WDFY4: variants seen among roughly 807,000 people sequenced by gnomAD.
WDFY4 encodes WD repeat- and FYVE domain-containing protein 4.
In WDFY4, 169 loss-of-function variants were observed where a neutral mutation model predicts 351.9. The ratio of observed to expected loss-of-function variants is 0.48; its 90% confidence interval spans 0.42 to 0.55. The LOEUF is 0.55. WDFY4 is among the 20% of genes least tolerant of loss of function. The pLI is 0.00. For synonymous variants in WDFY4, 1,622 were observed against 1,574.6 expected (o/e 1.03, Z -0.71); for missense variants, 3,803 against 3,935.6 (o/e 0.97, Z 0.90).
At chr10:48,740,922 A>G (rs1363417188) in intron 11 of WDFY4, among the ~76,000 whole-genome samples, 1 of 152,208 alleles carries the variant, frequency 6.6e-6, no homozygotes, top group Admixed American at 6.5e-5. Flanking sequence ...GAAAAGATCA[A>G]TTGGCCTGTA....
intron 56 of WDFY4, 106 bp from the exon 57 acceptor site, chr10:48,970,025 C>T: frequency 7.3e-7 from 1 of 1,361,006 alleles, no homozygotes; most frequent in Non-Finnish European, 9.9e-7. Context: ...TGGCATGTCC[C>T]CAGTTCCCAA....
chr10:48,900,050 C>T (rs564614272), intron 45 of WDFY4, among the ~76,000 whole-genome samples, 171 bp from the exon 46 acceptor site: 1 of 152,292 alleles, frequency 6.6e-6, no homozygotes, highest in East Asian at 1.9e-4. Flanking sequence ...TCTGCAGAAG[C>T]ACCCCATCCC....
intron 39 of WDFY4, among the ~76,000 whole-genome samples, chr10:48,843,309 T>A (rs1589735468): frequency 6.6e-6 from 1 of 152,202 alleles, no homozygotes; most frequent in Admixed American, 6.5e-5. Context: ...ATGAAGGCTG[T>A]GATTGAGGAA....
intron 47 of WDFY4, among the ~76,000 whole-genome samples, chr10:48,912,318 G>C (rs1838080417): frequency 6.6e-6 from 1 of 152,236 alleles, no homozygotes; most frequent in Non-Finnish European, 1.5e-5. Flanking sequence ...GCCTGTTTTA[G>C]AGGCACAGAA....
In WDFY4 at chr10:48,970,188, C is replaced by T. The variant is rs1842276318; in HGVS notation, c.8827C>T (p.Pro2943Ser). 6.4e-7 allele frequency: 1 copy of T among 1,551,756 alleles called. No individual in the cohort carries two copies. Among genetic ancestry groups the T allele is most frequent in the Non-Finnish European group, 8.7e-7 (1 of 1,147,008 alleles). Reference sequence around the variant, plus strand: ...GGGCCGCTGTCTGTGCGCCGTGTGCCCATCCCCAACAACGATTGTCACCTC... The same window carrying T: ...GGGCCGCTGTCTGTGCGCCGTGTGCTCATCCCCAACAACGATTGTCACCTC... Reference protein sequence around the residue: ...AWGRCLCAVCPSPTTIVTSGT... With the variant: ...AWGRCLCAVCSSPTTIVTSGT... The change falls in exon 57 of 62, where the codon CCA becomes TCA. Residue 2943 changes from proline to serine, a missense_variant. Pro to Ser is a moderately conservative substitution (Grantham distance 74). Coordinates refer to ENST00000325239, the MANE Select transcript of WDFY4 (RefSeq NM_001394531.1).
chr10:48,801,478 G>A (rs1240735874), intron 24 of WDFY4: 1 of 456,218 alleles, frequency 2.2e-6, no homozygotes, highest in Non-Finnish European at 4.4e-6. Context: ...AATATCCTAA[G>A]TGTGCAGGGC....
Position 48,731,223 on chromosome 10 carries a change from T to C in WDFY4, c.1243T>C (p.Trp415Arg), listed in dbSNP as rs746538054. 6.4e-7 allele frequency: 1 copy of C among 1,551,774 alleles called. No homozygotes were observed. Among genetic ancestry groups the C allele is most frequent in the Admixed American group, 2.0e-5 (1 of 50,994 alleles). ...VLSVIRTMWA[W>R]NARNFFLLEW... ...GTCAGTCATCAGGACCATGTGGGCC[T>C]GGAATGCTCGAAACTTCTTCCTGCT... is the stretch of plus-strand genomic sequence containing the variant. The change falls in exon 9 of 62, where the codon TGG (tryptophan) becomes CGG (arginine). Residue 415 changes from tryptophan to arginine, a missense_variant. Trp to Arg is a moderately radical substitution (Grantham distance 101). Transcript: ENST00000325239.
intron 57 of WDFY4, among the ~76,000 whole-genome samples, chr10:48,973,379 C>T (rs965327778): frequency 3.9e-5 from 6 of 152,178 alleles, no homozygotes; most frequent in South Asian, 2.1e-4. Context: ...ATTAACTTGC[C>T]GGCACCATCT....
intron 42 of WDFY4, among the ~76,000 whole-genome samples, chr10:48,876,650 GCAATATT>G (rs796841475): frequency 7.9e-5 from 12 of 152,298 alleles, no homozygotes; most frequent in African/African-American, 2.9e-4. Flanking sequence ...AGAAAAAACA[GCAATATT>G]CAAAGAGTGA....
At chr10:48,921,946 C>T (rs1235170236) in intron 47 of WDFY4, among the ~76,000 whole-genome samples, 1 of 152,176 alleles carries the variant, frequency 6.6e-6, no homozygotes, top group Non-Finnish European at 1.5e-5. Context: ...ATTATATCAT[C>T]TGGCATTTTC....
At chr10:48,912,346 G>A (rs948341803) in intron 47 of WDFY4, among the ~76,000 whole-genome samples, 34 of 152,194 alleles carry the variant, frequency 2.2e-4, no homozygotes, top group African/African-American at 8.0e-4. Flanking sequence ...AGTTCAGTGT[G>A]GCATTATTCC....
intron 47 of WDFY4, among the ~76,000 whole-genome samples, chr10:48,917,899 T>A (rs12416524): frequency 6.6e-6 from 1 of 152,102 alleles, no homozygotes; most frequent in Non-Finnish European, 1.5e-5. Flanking sequence ...TAACACTGTG[T>A]GATGGAGTTG....
chr10:48,776,680 GGTTA>G (rs754517155), intron 15 of WDFY4, 66 bp from the exon 16 acceptor site: 61,101 of 1,366,522 alleles, frequency 0.045, 1,611 homozygotes, highest in Middle Eastern at 0.056. Context: ...GATACTTTGG[GGTTA>G]TTGTCAGAAG....
intron 47 of WDFY4, among the ~76,000 whole-genome samples, chr10:48,918,341 T>C (rs968602748): frequency 1.3e-5 from 2 of 152,138 alleles, no homozygotes; most frequent in African/African-American, 4.8e-5. Context: ...ATAAAGAAAG[T>C]ATACTTTAAA....
chr10:48,788,900 T>C (rs1202607395), intron 21 of WDFY4, among the ~76,000 whole-genome samples: 1 of 152,206 alleles, frequency 6.6e-6, no homozygotes, highest in African/African-American at 2.4e-5. Context: ...AGAAAAATCA[T>C]AAATAAAAGA....
rs2068230178 is a variant in WDFY4, at chr10:48,832,665, C to T, written c.6619C>T (p.Leu2207=). 6.4e-7 allele frequency: 1 copy of T among 1,550,770 alleles called. No individual in the cohort carries two copies. Among genetic ancestry groups the T allele is most frequent in the Non-Finnish European group, 8.7e-7 (1 of 1,146,386 alleles). Residue 2207 remains leucine (L), a synonymous_variant, in exon 39 of 62, where the codon CTG becomes TTG. Coordinates refer to ENST00000325239, the MANE Select transcript of WDFY4 (RefSeq NM_001394531.1). The part of the protein sequence containing the change: ...WSGSLSSAMK[L]MPGRQAKDPE... ...TGGAAGCCTGTCCTCAGCCATGAAG[C>T]TGATGCCCGGGCGGCAGGCCAAGGA...
chr10:48,867,306 A>G lies in WDFY4; in HGVS notation c.6705A>G (p.Gln2235=). Residue 2235 remains glutamine (Q), a synonymous_variant, in exon 40 of 62, where the codon CAA becomes CAG. Coordinates refer to ENST00000325239, the MANE Select transcript of WDFY4 (RefSeq NM_001394531.1). ...TAGAGAACTACAGAAGAAGAGGACA[A>G]GAGCTATATGCATCTTTATACAAAG... ...SCIENYRRRG[Q]ELYASLYKDH... 6.6e-7 allele frequency: 1 copy of G among 1,505,358 alleles called. No homozygotes were observed. The highest frequency in any genetic ancestry group is 1.3e-5 in the South Asian group (1 of 75,310). 93.3% of individuals were successfully genotyped at this position (1,505,358 alleles called of 1,614,324 possible). A position where few individuals can be genotyped will look rare whatever the true frequency, so the allele number is the denominator to read the frequency against.
intron 47 of WDFY4, among the ~76,000 whole-genome samples, chr10:48,937,870 G>C (rs1840487043): frequency 6.6e-6 from 1 of 152,274 alleles, no homozygotes; most frequent in African/African-American, 2.4e-5. Flanking sequence ...TAAATGGGGA[G>C]AGAGGGAGTG....
At chr10:48,796,576 A>C (rs933006766) in intron 24 of WDFY4, 126 bp downstream of exon 24, 3 of 1,334,884 alleles carry the variant, frequency 2.2e-6, no homozygotes, top group African/African-American at 3.0e-5. Context: ...GAGAGGGAAA[A>C]CCAAACGAGC....
Sources: allele counts gnomAD v4.1 joint callset (sites outside exome capture counted in the v4.1 genomes callset), GRCh38; gene constraint gnomAD v4.1.1; transcripts MANE v1.5; gene names NCBI Gene and HGNC (gene_info 2026-07-23, HGNC 2026-07-21).